The following ANKRD36 variants were observed in gnomAD, a reference collection of about 807,000 sequenced individuals.
ANKRD36 encodes ankyrin repeat domain 36.
ANKRD36 carries 179 observed loss-of-function variants against 278.1 expected under a neutral mutation model. The observed-to-expected ratio is 0.64, with a 90% confidence interval of 0.57 to 0.73. The LOEUF (loss-of-function observed/expected upper bound fraction) is 0.73. Ranked by LOEUF, ANKRD36 falls within the 30% of genes least tolerant of loss-of-function variation. ANKRD36 has a pLI of 0.00. For missense variants in ANKRD36, 1,159 were observed against 1,956.7 expected, an observed-to-expected ratio of 0.59 and a Z score of 7.69; for synonymous variants, 320 against 641.1, an observed-to-expected ratio of 0.50 and a Z score of 7.57.
intron 22 of ANKRD36, among the ~76,000 whole-genome samples, chr2:97,170,379 A>G (rs184918001): frequency 6.6e-6 from 1 of 152,162 alleles, no homozygotes; most frequent in African/African-American, 2.4e-5. Context: ...GGAACAGAAC[A>G]GAGCCCTCAG....
intron 4 of ANKRD36, 75 bp from the exon 5 acceptor site, chr2:97,124,385 A>G (rs2443928): frequency 2.7e-6 from 4 of 1,487,328 alleles, no homozygotes; most frequent in African/African-American, 2.8e-5. Flanking sequence ...CAGGCAACAT[A>G]TTAAGTTGAT....
chr2:97,207,061 C>T (rs1484598080), intron 52 of ANKRD36, among the ~76,000 whole-genome samples: 4 of 151,532 alleles, frequency 2.6e-5, no homozygotes, highest in Admixed American at 6.6e-5. Flanking sequence ...TGATCAATAT[C>T]TAATGCTTGT....
In ANKRD36 at chr2:97,158,523, G is replaced by A. The variant is rs1465288854; in HGVS notation, c.1322-65G>A. ...ATTAAAGCTGTGAGCCCCCACACCC[G>A]GTTCTTATTTCTTGATTCTTAATTA... is the stretch of plus-strand genomic sequence containing the variant. On this transcript the variant is annotated intron_variant, in intron 16 of 75. Coordinates refer to ENST00000420699, the MANE Select transcript of ANKRD36 (RefSeq NM_001354587.1). 57 of 1,506,084 alleles carry A rather than the reference G, an allele frequency of 3.8e-5. 1 individual carries two copies. The highest frequency in any genetic ancestry group is 3.8e-4 in the Admixed American group (19 of 50,260). The allele number at this position is 1,506,084 out of a possible 1,614,324, so 93.3% of individuals were successfully genotyped here.
At chr2:97,244,187 A>G (rs1374233342) in intron 70 of ANKRD36, among the ~76,000 whole-genome samples, 158 bp downstream of exon 70, 3 of 149,350 alleles carry the variant, frequency 2.0e-5, no homozygotes, top group Admixed American at 1.3e-4. Flanking sequence ...ATTATTTATA[A>G]TAAACCTTGA....
At chr2:97,177,926 C>T (rs9711066) in intron 22 of ANKRD36, among the ~76,000 whole-genome samples, 3,758 of 150,106 alleles carry the variant, frequency 0.025, 153 homozygotes, top group African/African-American at 0.086. Context: ...GCAACCTACT[C>T]ATCTGACAAA....
At chr2:97,202,621 A>G (rs891867452) in intron 48 of ANKRD36, among the ~76,000 whole-genome samples, 7 of 151,812 alleles carry the variant, frequency 4.6e-5, no homozygotes, top group South Asian at 2.1e-4. Flanking sequence ...AAGAATATAC[A>G]TGGAGAGCAG....
At chr2:97,172,795 C>A (rs2052983874) in intron 22 of ANKRD36, among the ~76,000 whole-genome samples, 1 of 151,112 alleles carries the variant, frequency 6.6e-6, no homozygotes, top group Non-Finnish European at 1.5e-5. Context: ...GAAGAAACAC[C>A]CCGTAAAGCC....
intron 47 of ANKRD36, 27 bp from the exon 48 acceptor site, chr2:97,202,294 T>C: frequency 6.3e-7 from 1 of 1,594,706 alleles, no homozygotes; most frequent in Non-Finnish European, 8.5e-7. Context: ...ATACTTTATT[T>C]ATTATTTCGT....
rs1274346918 is a variant in ANKRD36, at chr2:97,209,657, TTATG to T, written c.3266-20_3266-17del. Reference sequence around the variant, plus strand: ...CTTTATCATATTTACATGTGAGTGATTATGTATCCCTTTTGCTTTTCAGTGTCTT... The same window carrying T: ...CTTTATCATATTTACATGTGAGTGATTATCCCTTTTGCTTTTCAGTGTCTT... On this transcript the variant is annotated intron_variant, in intron 54 of 75. Transcript: ENST00000420699. 1 of 1,584,010 alleles carries T rather than the reference TTATG, an allele frequency of 6.3e-7. No homozygotes were observed. Among genetic ancestry groups the T allele is most frequent in the Non-Finnish European group, 8.6e-7 (1 of 1,166,838 alleles).
At chr2:97,135,481 G>GA (rs2041252823) in intron 6 of ANKRD36, among the ~76,000 whole-genome samples, 5 of 151,692 alleles carry the variant, frequency 3.3e-5, no homozygotes, top group African/African-American at 9.7e-5. Flanking sequence ...ATGTACTATA[G>GA]TCACCCTACT....
intron 75 of ANKRD36, among the ~76,000 whole-genome samples, chr2:97,262,493 A>G (rs940554035): frequency 1.2e-4 from 15 of 120,324 alleles, no homozygotes; most frequent in African/African-American, 5.7e-4. Context: ...CAGAAAGCCC[A>G]AAGGAAACCA....
Position 97,207,844 on chromosome 2 carries a change from T to C in ANKRD36, c.3192+5T>C. On this transcript the variant is annotated splice_donor_5th_base_variant and intron_variant, in intron 53 of 75. Coordinates refer to ENST00000420699, the MANE Select transcript of ANKRD36 (RefSeq NM_001354587.1). ...GAGAAACCATCAGGCTTGAAGGTAA[T>C]GAAACTGTCATTTATATTGTGAACT... 2 of 1,546,570 alleles carry C rather than the reference T, an allele frequency of 1.3e-6. No homozygotes were observed. The highest frequency in any genetic ancestry group is 1.7e-6 in the Non-Finnish European group (2 of 1,144,638).
intron 5 of ANKRD36, among the ~76,000 whole-genome samples, chr2:97,125,696 C>T (rs1248518586): frequency 1.3e-5 from 2 of 151,484 alleles, no homozygotes; most frequent in East Asian, 1.9e-4. Flanking sequence ...TGGTTGGCCC[C>T]TCAAGTGATC....
chr2:97,115,486 T>C (rs1474259742), intron 1 of ANKRD36, among the ~76,000 whole-genome samples: 1 of 152,242 alleles, frequency 6.6e-6, no homozygotes, highest in Middle Eastern at 3.4e-3. Context: ...AAAAAGTGAT[T>C]TTCATTTTAC....
chr2:97,203,085 T>A (rs1159088294), intron 48 of ANKRD36, among the ~76,000 whole-genome samples: 1 of 151,856 alleles, frequency 6.6e-6, no homozygotes, highest in African/African-American at 2.4e-5. Context: ...ACATGTTTTG[T>A]TGATTTTAGT....
intron 6 of ANKRD36, among the ~76,000 whole-genome samples, chr2:97,128,003 T>C (rs1389730700): frequency 3.3e-5 from 5 of 151,974 alleles, no homozygotes; most frequent in Non-Finnish European, 5.9e-5. Flanking sequence ...TTAGTGAACA[T>C]TGAATGTAAA....
At chr2:97,233,160 C>G (rs1302299009) in intron 67 of ANKRD36, among the ~76,000 whole-genome samples, 2 of 150,908 alleles carry the variant, frequency 1.3e-5, no homozygotes, top group Non-Finnish European at 2.9e-5. Context: ...TTATTCTCCA[C>G]CACATGGTGA....
rs1467933337 is a variant in ANKRD36, at chr2:97,194,831, C to G, written c.2479-14C>G. 18 of 1,596,904 alleles carry G rather than the reference C, an allele frequency of 1.1e-5. No homozygotes were observed. The highest frequency in any genetic ancestry group is 3.5e-5 in the Admixed American group (2 of 57,856). ...ACATACCTTATTTATTATTTTGTTT[C>G]AAATTCCACTCAGGCTACAAGTGAT... On this transcript the variant is annotated splice_polypyrimidine_tract_variant and intron_variant, in intron 39 of 75. Transcript: ENST00000420699.
chr2:97,182,536 CT>C (rs2056491933), intron 26 of ANKRD36, among the ~76,000 whole-genome samples: 1 of 148,072 alleles, frequency 6.8e-6, no homozygotes, highest in Non-Finnish European at 1.5e-5. Context: ...AATTAGCTAA[CT>C]TTTGGATAAA....
Sources: gnomAD v4.1 joint callset for allele counts (sites outside exome capture counted in the v4.1 genomes callset) on GRCh38, gnomAD v4.1.1 for gene constraint, MANE v1.5 for transcripts, NCBI Gene and HGNC (gene_info 2026-07-23, HGNC 2026-07-21) for gene names.